Variants in ATRNL1 observed in about 807,000 individuals in gnomAD.
ATRNL1 encodes the protein attractin like 1.
In ATRNL1, 95 loss-of-function variants were observed where a neutral mutation model predicts 182.7. The ratio of observed to expected loss-of-function variants is 0.52; its 90% confidence interval spans 0.44 to 0.62. The LOEUF (loss-of-function observed/expected upper bound fraction) is 0.62. Among genes scored for constraint, ATRNL1 ranks in the 20% least tolerant of loss-of-function variants. The probability of loss-of-function intolerance (pLI) is 0.00; values close to 1 mark genes in which losing one functional copy is unlikely to be tolerated. For missense variants in ATRNL1, 1,471 were observed against 1,679.5 expected (o/e 0.88, Z 2.17); for synonymous variants, 576 against 568.3 (o/e 1.01, Z -0.19).
At chr10:115,434,904 G>A (rs1846330583) in intron 21 of ATRNL1, among the ~76,000 whole-genome samples, 1 of 152,048 alleles carries the variant, frequency 6.6e-6, no homozygotes, top group Non-Finnish European at 1.5e-5. Context: ...CAATGAACAA[G>A]TTGGAGTATA....
At chr10:115,751,581 T>C (rs1689770498) in intron 27 of ATRNL1, among the ~76,000 whole-genome samples, 2 of 152,010 alleles carry the variant, frequency 1.3e-5, no homozygotes, top group Admixed American at 6.6e-5. Flanking sequence ...TGTCAAATAT[T>C]GTAAAAAGAT....
intron 20 of ATRNL1, among the ~76,000 whole-genome samples, chr10:115,406,327 T>C (rs529924031): frequency 6.6e-6 from 1 of 152,308 alleles, no homozygotes; most frequent in South Asian, 2.1e-4. Context: ...TTTTCCTTTT[T>C]CACCATTACT....
intron 21 of ATRNL1, among the ~76,000 whole-genome samples, chr10:115,443,953 G>C (rs1376795704): frequency 1.3e-5 from 2 of 151,842 alleles, no homozygotes; most frequent in Non-Finnish European, 2.9e-5. Flanking sequence ...CTTAATATGT[G>C]GAGCAAAAAT....
intron 27 of ATRNL1, among the ~76,000 whole-genome samples, chr10:115,839,698 C>T (rs1185030750): frequency 6.6e-6 from 1 of 152,180 alleles, no homozygotes; most frequent in African/African-American, 2.4e-5. Flanking sequence ...CTATGCATAA[C>T]TCTTCCAGTG....
rs782355847 is a variant in ATRNL1 at position 115,266,827 on chromosome 10, T to C, written c.1803T>C (p.Ser601=). 17 of 1,609,382 alleles carry C rather than the reference T, an allele frequency of 1.1e-5. No homozygotes were observed. Among genetic ancestry groups the C allele is most frequent in the Middle Eastern group, 1.7e-4 (1 of 6,032 alleles). The stretch of plus-strand genomic sequence containing the variant: ...TGTATATATTTGGGGGATTTTCTAG[T>C]GTACTCCTTAATGATATCCTTGTAT... ...GSMYIFGGFS[S]VLLNDILVYK... is the part of the protein sequence containing the mutation. The change falls in exon 12 of 29, where the codon AGT becomes AGC. Residue 601 remains serine (S), a synonymous_variant. Coordinates refer to ENST00000355044, the MANE Select transcript of ATRNL1 (RefSeq NM_207303.4).
chr10:115,490,093 A>G (rs1554976197), intron 24 of ATRNL1, among the ~76,000 whole-genome samples: 1 of 152,074 alleles, frequency 6.6e-6, no homozygotes. Context: ...CAACATATCC[A>G]CTGTTAGTCT....
At chr10:115,403,236 A>G (rs1329834910) in intron 20 of ATRNL1, among the ~76,000 whole-genome samples, 3 of 105,796 alleles carry the variant, frequency 2.8e-5, no homozygotes, top group African/African-American at 9.5e-5. Context: ...TTGGATCTTT[A>G]TTTTTCCTAA....
At chr10:115,605,527 A>AT (rs1565207673) in intron 26 of ATRNL1, among the ~76,000 whole-genome samples, 3 of 152,038 alleles carry the variant, frequency 2.0e-5, no homozygotes, top group South Asian at 4.1e-4. Context: ...TTGATTTCCA[A>AT]TTTTTTTGAC....
intron 9 of ATRNL1, among the ~76,000 whole-genome samples, chr10:115,238,855 A>G (rs782141525): frequency 1.4e-4 from 21 of 152,162 alleles, no homozygotes; most frequent in Admixed American, 1.3e-4. Flanking sequence ...GTTTCTCACC[A>G]TTAAATATGA....
chr10:115,138,589 G>C (rs1234279177), intron 5 of ATRNL1, among the ~76,000 whole-genome samples: 1 of 152,180 alleles, frequency 6.6e-6, no homozygotes, highest in Non-Finnish European at 1.5e-5. Flanking sequence ...CTGTACCTTG[G>C]CCCTTTTTAG....
intron 26 of ATRNL1, among the ~76,000 whole-genome samples, chr10:115,594,023 C>G (rs1856076324): frequency 6.6e-6 from 1 of 151,910 alleles, no homozygotes; most frequent in African/African-American, 2.4e-5. Context: ...AGTAAGATTT[C>G]AGATATCTTT....
chr10:115,260,240 A>G (rs1851337893), intron 10 of ATRNL1, among the ~76,000 whole-genome samples: 1 of 152,240 alleles, frequency 6.6e-6, no homozygotes, highest in Non-Finnish European at 1.5e-5. Flanking sequence ...GAGCATAAGC[A>G]CTATTTTGTA....
intron 27 of ATRNL1, among the ~76,000 whole-genome samples, chr10:115,750,637 AC>A (rs1283873322): frequency 6.6e-6 from 1 of 151,966 alleles, no homozygotes; most frequent in Non-Finnish European, 1.5e-5. Flanking sequence ...AGAAAAAAAA[AC>A]TTTTTATACT....
intron 26 of ATRNL1, among the ~76,000 whole-genome samples, chr10:115,713,461 G>GTGTGTGTGTGTTTGTGTGTGTA (rs71010041): frequency 2.1e-5 from 3 of 146,034 alleles, no homozygotes; most frequent in Non-Finnish European, 4.5e-5. Flanking sequence ...GTGTGTGTGT[G>GTGTGTGTGTGTTTGTGTGTGTA]TGTGTTTGTG....
intron 28 of ATRNL1, among the ~76,000 whole-genome samples, chr10:115,902,111 A>G (rs969459852): frequency 6.6e-6 from 1 of 152,208 alleles, no homozygotes; most frequent in South Asian, 2.1e-4. Flanking sequence ...CCTGAGGTCT[A>G]TCCTTCGCAT....
At chr10:115,693,555 C>G (rs1555048827) in intron 26 of ATRNL1, among the ~76,000 whole-genome samples, 1 of 152,088 alleles carries the variant, frequency 6.6e-6, no homozygotes, top group Non-Finnish European at 1.5e-5. Context: ...AAGATACCTT[C>G]TGAGAAATGC....
chr10:115,396,353 A>T (rs1332918318), intron 20 of ATRNL1, among the ~76,000 whole-genome samples: 10 of 152,002 alleles, frequency 6.6e-5, no homozygotes, highest in Non-Finnish European at 1.5e-4. Flanking sequence ...AAGCTTGATT[A>T]TAAGTAAGGC....
chr10:115,264,166 T>A (rs145923501), intron 10 of ATRNL1, among the ~76,000 whole-genome samples: 1 of 151,716 alleles, frequency 6.6e-6, no homozygotes, highest in African/African-American at 2.4e-5. Flanking sequence ...ATGTGCCATG[T>A]TGGTGTTCAG....
chr10:115,780,678 C>T (rs959516676), intron 27 of ATRNL1, among the ~76,000 whole-genome samples: 1 of 152,172 alleles, frequency 6.6e-6, no homozygotes, highest in Non-Finnish European at 1.5e-5. Flanking sequence ...GCCCTAGCTC[C>T]TGGATGACAT....
Sources: gnomAD v4.1 joint callset for allele counts (sites outside exome capture counted in the v4.1 genomes callset) on GRCh38, gnomAD v4.1.1 for gene constraint, MANE v1.5 for transcripts, NCBI Gene and HGNC (gene_info 2026-07-23, HGNC 2026-07-21) for gene names.